The following DLGAP1 variants were observed in gnomAD, a reference collection of about 807,000 sequenced individuals.
The protein encoded by DLGAP1 is DLG associated protein 1, also known as disks large-associated protein 1.
DLGAP1 carries 11 observed loss-of-function variants against 90.8 expected under a neutral mutation model. That is an observed-to-expected ratio of 0.12 (90% CI 0.08 to 0.20). The LOEUF is 0.20. Among genes scored for constraint, DLGAP1 ranks in the 10% least tolerant of loss-of-function variants. The probability of loss-of-function intolerance (pLI) is 1.00; values close to 1 mark genes in which losing one functional copy is unlikely to be tolerated. For synonymous variants in DLGAP1, 558 were observed against 540.7 expected (o/e 1.03, Z -0.44); for missense variants, 1,050 against 1,333.8 (o/e 0.79, Z 3.31).
chr18:4,269,849 G>T (rs1218777742), intron 1 of DLGAP1, among the ~76,000 whole-genome samples: 1 of 151,996 alleles, frequency 6.6e-6, no homozygotes. Context: ...ACTAGGGGGA[G>T]AATTTCTTGA....
chr18:4,326,661 A>G (rs2080824904), intron 1 of DLGAP1, among the ~76,000 whole-genome samples: 1 of 152,218 alleles, frequency 6.6e-6, no homozygotes, highest in Non-Finnish European at 1.5e-5. Flanking sequence ...ATATGCAGCC[A>G]TAAAAAAAGA....
chr18:3,741,974 C>G (rs1434330298), intron 6 of DLGAP1, among the ~76,000 whole-genome samples: 1 of 151,976 alleles, frequency 6.6e-6, no homozygotes, highest in East Asian at 1.9e-4. Flanking sequence ...TCCAGAGTAG[C>G]TGGGATCACA....
chr18:4,292,597 T>G (rs764299545), intron 1 of DLGAP1, among the ~76,000 whole-genome samples: 1 of 152,228 alleles, frequency 6.6e-6, no homozygotes. Context: ...TTACAAAGAT[T>G]GCTCTTTAAT....
chr18:3,938,540 T>C (rs1399390035), intron 3 of DLGAP1, among the ~76,000 whole-genome samples: 1 of 152,188 alleles, frequency 6.6e-6, no homozygotes, highest in Non-Finnish European at 1.5e-5. Flanking sequence ...TTTTAGATCA[T>C]TAGAATCCTA....
intron 4 of DLGAP1, among the ~76,000 whole-genome samples, chr18:3,875,915 G>A (rs972628772): frequency 5.3e-5 from 8 of 151,752 alleles, no homozygotes; most frequent in Admixed American, 3.9e-4. Context: ...GGACTAGAAC[G>A]CTCCGGGAAC....
At chr18:3,772,902 T>C (rs1365816975) in intron 5 of DLGAP1, among the ~76,000 whole-genome samples, 1 of 152,104 alleles carries the variant, frequency 6.6e-6, no homozygotes, top group Admixed American at 6.5e-5. Flanking sequence ...CCAGTGAACA[T>C]TTGGCAGAGG....
chr18:4,436,161 C>T (rs2083393964), intron 1 of DLGAP1, among the ~76,000 whole-genome samples: 5 of 152,126 alleles, frequency 3.3e-5, no homozygotes, highest in Admixed American at 2.0e-4. Context: ...TAGGGAGATA[C>T]TGGTAATGAT....
chr18:4,087,376 G>T (rs941533227), intron 2 of DLGAP1, among the ~76,000 whole-genome samples: 1 of 152,110 alleles, frequency 6.6e-6, no homozygotes, highest in African/African-American at 2.4e-5. Context: ...CACCCAGGGC[G>T]GAAAACTGCT....
Position 3,577,889 on chromosome 18 carries a change from C to CA in DLGAP1, c.1965+3985dup, listed in dbSNP as rs1271103061. 1.6e-4 allele frequency among the ~76,000 whole-genome samples: 24 copies of CA among 151,990 alleles called. No homozygotes were observed. In the East Asian group the frequency reaches 4.6e-3, roughly 29 times the overall value. On this transcript the variant is annotated intron_variant, in intron 8 of 12. Transcript: ENST00000315677. ...AGTTGCAGGATATGAGATCTCTGTC[C>CA]AAAAAAATAATAATTGAGAAAGTCC...
chr18:4,089,859 C>A (rs774109315), intron 2 of DLGAP1, among the ~76,000 whole-genome samples: 3 of 152,140 alleles, frequency 2.0e-5, no homozygotes, highest in South Asian at 4.2e-4. Flanking sequence ...TCCTGGCTAA[C>A]ACGGTGAAAC....
intron 7 of DLGAP1, among the ~76,000 whole-genome samples, chr18:3,726,980 A>G (rs933196643): frequency 6.6e-6 from 1 of 152,240 alleles, no homozygotes; most frequent in African/African-American, 2.4e-5. Context: ...AAAGCCCTTT[A>G]GATTCAACTT....
intron 1 of DLGAP1, among the ~76,000 whole-genome samples, chr18:4,344,508 T>A (rs186097173): frequency 6.6e-6 from 1 of 152,008 alleles, no homozygotes; most frequent in Admixed American, 6.5e-5. Context: ...AGTAGAAGAG[T>A]TTACAGATGA....
At chr18:4,324,063 A>C (rs1318179325) in intron 1 of DLGAP1, among the ~76,000 whole-genome samples, 2 of 152,082 alleles carry the variant, frequency 1.3e-5, no homozygotes, top group Non-Finnish European at 2.9e-5. Flanking sequence ...ACCATACAAA[A>C]GATCAATGAA....
intron 3 of DLGAP1, among the ~76,000 whole-genome samples, chr18:3,884,424 A>G (rs1393083415): frequency 6.6e-6 from 1 of 152,230 alleles, no homozygotes; most frequent in Non-Finnish European, 1.5e-5. Context: ...AAGCAGTTTG[A>G]ATCTTGGGTA....
intron 2 of DLGAP1, among the ~76,000 whole-genome samples, chr18:4,011,583 G>A (rs1005644421): frequency 1.3e-5 from 2 of 152,248 alleles, no homozygotes; most frequent in Non-Finnish European, 2.9e-5. Context: ...TTGGGAGGCT[G>A]AGGCAGGAGG....
chr18:4,399,568 G>A (rs1223734216), intron 1 of DLGAP1, among the ~76,000 whole-genome samples: 2 of 152,100 alleles, frequency 1.3e-5, no homozygotes, highest in East Asian at 1.9e-4. Flanking sequence ...ATTTTACAAC[G>A]TCTTAGGATA....
At chr18:3,706,020 G>GTCGCCCAGGCTGGA (rs2061422076) in intron 7 of DLGAP1, among the ~76,000 whole-genome samples, 1 of 128,456 alleles carries the variant, frequency 7.8e-6, no homozygotes, top group South Asian at 2.4e-4. Flanking sequence ...CACTCACTCT[G>GTCGCCCAGGCTGGA]TCGCCCAGGC....
chr18:4,363,969 C>T (rs995103074), intron 1 of DLGAP1, among the ~76,000 whole-genome samples: 5 of 151,606 alleles, frequency 3.3e-5, no homozygotes, highest in South Asian at 2.1e-4. Context: ...ATGTTTATTG[C>T]GGCACTATTC....
At chr18:3,716,418 C>A (rs185707027) in intron 7 of DLGAP1, among the ~76,000 whole-genome samples, 3 of 152,068 alleles carry the variant, frequency 2.0e-5, no homozygotes, top group African/African-American at 7.2e-5. Context: ...TGCCTGTGGT[C>A]CTAGCTACTC....
Sources: gnomAD v4.1 joint callset for allele counts (sites outside exome capture counted in the v4.1 genomes callset) on GRCh38, gnomAD v4.1.1 for gene constraint, MANE v1.5 for transcripts, NCBI Gene and HGNC (gene_info 2026-07-23, HGNC 2026-07-21) for gene names.